Variants in ANO3 observed in about 807,000 individuals in gnomAD.
The protein encoded by ANO3 is anoctamin-3.
ANO3 carries 99 observed loss-of-function variants against 144.8 expected under a neutral mutation model. The observed-to-expected ratio is 0.68, with a 90% confidence interval of 0.58 to 0.81. ANO3 has a LOEUF of 0.81. Among genes scored for constraint, ANO3 ranks in the 30% least tolerant of loss-of-function variants. ANO3 has a pLI of 0.00. For missense variants in ANO3, 905 were observed against 1,202.2 expected (o/e 0.75, Z 3.66); for synonymous variants, 414 against 392.6 (o/e 1.05, Z -0.64).
In ANO3 at chr11:26,641,948, G is replaced by T. The variant is rs1853167687; in HGVS notation, c.2194G>T (p.Ala732Ser). Residue 732 changes from alanine to serine, a missense_variant, in exon 22 of 27, where the codon GCT becomes TCT. By Grantham distance (99) the Ala-to-Ser change is moderately conservative. Coordinates refer to ENST00000256737, the MANE Select transcript of ANO3 (RefSeq NM_031418.4). ...RHKIKRGIHD[A>S]SIPQWENDWN... ...TAAAATCAAGCGGGGAATACATGAT[G>T]CTTCCATACCTCAGTGGGAAAATGA... 3.1e-6 allele frequency: 5 copies of T among 1,613,882 alleles called. No individual in the cohort carries two copies. Among genetic ancestry groups the T allele is most frequent in the Non-Finnish European group, 4.2e-6 (5 of 1,179,970 alleles).
At chr11:26,463,283 C>A in intron 4 of ANO3, 135 bp downstream of exon 4, 1 of 459,998 alleles carries the variant, frequency 2.2e-6, no homozygotes, top group Middle Eastern at 5.8e-4. Context: ...ATTAAGAACT[C>A]AGAAGCAAAA....
Position 26,599,649 on chromosome 11 carries a change from T to C in ANO3, c.1771T>C (p.Trp591Arg). The change falls in exon 17 of 27, where the codon TGG (tryptophan) becomes CGG (arginine). Residue 591 changes from tryptophan to arginine, a missense_variant. Physicochemically the swap from Trp to Arg is moderately radical, Grantham distance 101 (BLOSUM62 -3). This residue lies in a region of ANO3 where 597 missense variants were observed against 865.1 expected (regional missense o/e 0.69). Coordinates refer to ENST00000256737, the MANE Select transcript of ANO3 (RefSeq NM_031418.4). Reference sequence around the variant, plus strand: ...CAAGTGGAATTTCATCAAACAATACTGGCAGTTTGCAACATCTGCTGCTGC... The same window carrying C: ...CAAGTGGAATTTCATCAAACAATACCGGCAGTTTGCAACATCTGCTGCTGC... ...SFKWNFIKQY[W>R]QFATSAAAVC... 1 of 1,614,152 alleles carries C rather than the reference T, an allele frequency of 6.2e-7. No homozygotes were observed. The highest frequency in any genetic ancestry group is 8.5e-7 in the Non-Finnish European group (1 of 1,180,016).
At position 26,452,511 on chromosome 11, in the gene ANO3, G is replaced by A. The variant is rs565092157; in HGVS notation, c.313+8675G>A. On this transcript the variant is annotated intron_variant, in intron 3 of 26. Transcript: ENST00000256737. The stretch of plus-strand genomic sequence containing the variant: ...GAAGATGAAACGAATGAAATGAAGC[G>A]AGAAGGGAAGTTTAGAGAAAAAAGA... Among the ~76,000 whole-genome samples, 457 of 152,262 alleles carry A rather than the reference G, an allele frequency of 3.0e-3. 3 individuals are homozygous for A. The highest frequency in any genetic ancestry group is 5.2e-3 in the African/African-American group (216 of 41,560).
intron 1 of ANO3, among the ~76,000 whole-genome samples, chr11:26,341,735 C>T (rs1232157034): frequency 1.3e-5 from 2 of 152,126 alleles, no homozygotes; most frequent in South Asian, 2.1e-4. Flanking sequence ...CCCAAAACCT[C>T]AAAAGTATGG....
chr11:26,374,172 AAT>A (rs1288986285), intron 1 of ANO3, among the ~76,000 whole-genome samples: 4 of 152,222 alleles, frequency 2.6e-5, no homozygotes, highest in African/African-American at 7.2e-5. Flanking sequence ...AGACTGTCTT[AAT>A]ATCTATATTC....
At chr11:26,631,883 T>C (rs1852791907) in intron 18 of ANO3, among the ~76,000 whole-genome samples, 2 of 151,826 alleles carry the variant, frequency 1.3e-5, no homozygotes, top group Non-Finnish European at 1.5e-5. Flanking sequence ...CATAAGTAAA[T>C]ATATACAGTA....
chr11:26,418,063 A>G (rs1371337483), intron 1 of ANO3, among the ~76,000 whole-genome samples: 1 of 152,110 alleles, frequency 6.6e-6, no homozygotes, highest in Non-Finnish European at 1.5e-5. Flanking sequence ...TTAGTATTCA[A>G]TGATAAAATA....
chr11:26,644,265 A>C (rs1853268050), intron 23 of ANO3, among the ~76,000 whole-genome samples: 1 of 152,222 alleles, frequency 6.6e-6, no homozygotes, highest in African/African-American at 2.4e-5. Flanking sequence ...AACGGATTTC[A>C]TATATACCTT....
intron 1 of ANO3, among the ~76,000 whole-genome samples, chr11:26,244,127 A>AAG (rs1047713845): frequency 1.4e-5 from 2 of 141,030 alleles, no homozygotes; most frequent in African/African-American, 5.0e-5. Flanking sequence ...AAAAAAAAAA[A>AAG]AAAAGAAAAG....
At chr11:26,518,457 G>C (rs951910478) in intron 6 of ANO3, among the ~76,000 whole-genome samples, 6 of 151,892 alleles carry the variant, frequency 4.0e-5, no homozygotes, top group African/African-American at 1.2e-4. Context: ...CATAGATATG[G>C]TTAATAATCA....
intron 1 of ANO3, among the ~76,000 whole-genome samples, chr11:26,367,645 C>A (rs546918284): frequency 1.3e-5 from 2 of 152,204 alleles, no homozygotes; most frequent in African/African-American, 4.8e-5. Context: ...TCCTGTATTT[C>A]TACATAGAAA....
At chr11:26,580,884 T>C (rs192581641) in intron 14 of ANO3, among the ~76,000 whole-genome samples, 12 of 152,310 alleles carry the variant, frequency 7.9e-5, no homozygotes, top group African/African-American at 2.9e-4. Context: ...AAGGAAAGCA[T>C]GTCAAGTCAC....
At chr11:26,192,100 A>G (rs1851489746) in intron 1 of ANO3, among the ~76,000 whole-genome samples, 1 of 152,128 alleles carries the variant, frequency 6.6e-6, no homozygotes, top group Non-Finnish European at 1.5e-5. Context: ...TCTGCATTAG[A>G]TTTTCAAAGA....
At position 26,651,585 on chromosome 11, in the gene ANO3, A is replaced by G. The variant is rs75258108; in HGVS notation, c.2576+3729A>G. 2.4e-4 allele frequency among the ~76,000 whole-genome samples: 37 copies of G among 152,232 alleles called. No individual in the cohort carries two copies. In the East Asian group the frequency reaches 6.8e-3, roughly 28 times the overall value. ...AAAATATAGGTATTTTTCTTTAAGA[A>G]ACGGGTCATTTATATTAATTTACCT... On this transcript the variant is annotated intron_variant, in intron 24 of 26. Coordinates refer to ENST00000256737, the MANE Select transcript of ANO3 (RefSeq NM_031418.4).
Position 26,660,483 on chromosome 11 carries a change from G to A in ANO3, c.*39G>A, listed in dbSNP as rs780528875. On this transcript the variant is annotated 3_prime_UTR_variant, in exon 27 of 27. Coordinates refer to ENST00000256737, the MANE Select transcript of ANO3 (RefSeq NM_031418.4). ...CCCATTAGGGGTGATAACATTAATGGGAAGAAATGATGGCAACTTTGAATG... is the reference window on the plus strand; with the variant it reads ...CCCATTAGGGGTGATAACATTAATGAGAAGAAATGATGGCAACTTTGAATG... The A allele has an allele frequency of 1.6e-5, 24 of 1,538,550 alleles. No individual in the cohort carries two copies. In the African/African-American group the frequency reaches 1.8e-4, roughly 12 times the overall value.
At chr11:26,416,767 T>C (rs982611888) in intron 1 of ANO3, among the ~76,000 whole-genome samples, 7 of 152,026 alleles carry the variant, frequency 4.6e-5, no homozygotes, top group African/African-American at 1.4e-4. Flanking sequence ...TGAACTCTAC[T>C]TAAGATATAA....
At chr11:26,567,322 G>C (rs1268334655) in intron 14 of ANO3, among the ~76,000 whole-genome samples, 1 of 151,798 alleles carries the variant, frequency 6.6e-6, no homozygotes. Context: ...TTCACTGAAA[G>C]CCTCCATGCT....
intron 1 of ANO3, among the ~76,000 whole-genome samples, chr11:26,301,281 G>T (rs1854226662): frequency 6.6e-6 from 1 of 152,142 alleles, no homozygotes; most frequent in Non-Finnish European, 1.5e-5. Context: ...TACCTGAATT[G>T]TTGTCCTAAT....
intron 1 of ANO3, among the ~76,000 whole-genome samples, chr11:26,241,280 A>G (rs1355270221): frequency 3.3e-5 from 5 of 152,152 alleles, no homozygotes; most frequent in Admixed American, 6.6e-5. Context: ...TATCAGCAGC[A>G]TGAAAATGGA....
Sources: allele counts gnomAD v4.1 joint callset (sites outside exome capture counted in the v4.1 genomes callset), GRCh38; gene constraint gnomAD v4.1.1; regional missense constraint gnomAD v4.1.1; transcripts MANE v1.5; gene names NCBI Gene and HGNC (gene_info 2026-07-23, HGNC 2026-07-21).